Variants in ARHGEF3 observed in about 807,000 individuals in gnomAD.
ARHGEF3 encodes the protein 59.8 kDA protein.
ARHGEF3 carries 28 observed loss-of-function variants against 63.2 expected under a neutral mutation model. The observed-to-expected ratio is 0.44, with a 90% CI of 0.33 to 0.61. The LOEUF is 0.61. Among genes scored for constraint, ARHGEF3 ranks in the 20% least tolerant of loss-of-function variants. The probability of loss-of-function intolerance (pLI) is 0.03; values close to 1 mark genes in which losing one functional copy is unlikely to be tolerated. For synonymous variants in ARHGEF3, 266 were observed against 254.2 expected, an observed-to-expected ratio of 1.05 and a Z score of -0.44; for missense variants, 533 against 659.3, an observed-to-expected ratio of 0.81 and a Z score of 2.10.
chr3:56,790,552 C>T (rs997663929), intron 1 of ARHGEF3, among the ~76,000 whole-genome samples: 1 of 152,196 alleles, frequency 6.6e-6, no homozygotes, highest in African/African-American at 2.4e-5. Context: ...TGATGAGCCA[C>T]TTCCACCCCT....
chr3:56,887,707 C>G (rs9876679), intron 3 of ARHGEF3, among the ~76,000 whole-genome samples: 1 of 152,154 alleles, frequency 6.6e-6, no homozygotes, highest in Non-Finnish European at 1.5e-5. Flanking sequence ...AAGGACCCAC[C>G]CTGTTATTCT....
At chr3:56,947,886 C>T (rs1387774623) in intron 3 of ARHGEF3, among the ~76,000 whole-genome samples, 1 of 152,054 alleles carries the variant, frequency 6.6e-6, no homozygotes, top group Non-Finnish European at 1.5e-5. Context: ...AAGTAAAGCA[C>T]TCCTCAGCAA....
chr3:56,802,087 A>G (rs1012915212), upstream of ARHGEF3: 8 of 1,097,956 alleles, frequency 7.3e-6, no homozygotes, highest in East Asian at 2.5e-4. Flanking sequence ...TGGGGCTGCG[A>G]GGGGCGTGGG....
chr3:56,955,539 A>G (rs1185972409), intron 3 of ARHGEF3, among the ~76,000 whole-genome samples: 1 of 152,192 alleles, frequency 6.6e-6, no homozygotes, highest in Non-Finnish European at 1.5e-5. Flanking sequence ...TGAAATTGCA[A>G]ATGCTGATAA....
intron 4 of ARHGEF3, among the ~76,000 whole-genome samples, chr3:56,751,641 G>A (rs1559904231): frequency 6.6e-6 from 1 of 152,166 alleles, no homozygotes. Context: ...ATTCTAGTAT[G>A]TCATATATCT....
At chr3:56,748,670 T>C (rs1018271670) in intron 6 of ARHGEF3, among the ~76,000 whole-genome samples, 1 of 151,998 alleles carries the variant, frequency 6.6e-6, no homozygotes, top group South Asian at 2.1e-4. Context: ...ATTTCATCAT[T>C]GAAAAAACGT....
intron 8 of ARHGEF3, among the ~76,000 whole-genome samples, chr3:56,732,646 T>C (rs887228901): frequency 2.0e-5 from 3 of 152,084 alleles, no homozygotes; most frequent in African/African-American, 7.2e-5. Flanking sequence ...AGGGACTCAA[T>C]GGAGAAAGCC....
intron 8 of ARHGEF3, among the ~76,000 whole-genome samples, chr3:56,733,984 CAAAAAAAAAAAAA>C (rs777924213): frequency 0.011 from 583 of 55,102 alleles, 14 homozygotes; most frequent in African/African-American, 0.038. Flanking sequence ...AATTCTGTCT[CAAAAAAAAAAAAA>C]AAAAAAAAAA....
chr3:57,021,682 G>A (rs1024943218), intron 2 of ARHGEF3, among the ~76,000 whole-genome samples: 2 of 151,734 alleles, frequency 1.3e-5, no homozygotes, highest in African/African-American at 4.8e-5. Flanking sequence ...GAGCCCGGGA[G>A]GCAGAGGTTG....
chr3:56,733,609 A>AT (rs985578951), intron 8 of ARHGEF3, among the ~76,000 whole-genome samples: 70 of 152,314 alleles, frequency 4.6e-4, no homozygotes, highest in Admixed American at 3.3e-3. Context: ...CCACAAAGTC[A>AT]TTATCAGCTT....
chr3:56,906,113 T>G (rs2041675953), intron 3 of ARHGEF3, among the ~76,000 whole-genome samples: 1 of 152,082 alleles, frequency 6.6e-6, no homozygotes, highest in Admixed American at 6.6e-5. Context: ...TCTGCCCACC[T>G]TGGCCTCCCA....
chr3:57,038,299 T>C (rs1704043890), intron 1 of ARHGEF3, among the ~76,000 whole-genome samples: 1 of 152,140 alleles, frequency 6.6e-6, no homozygotes, highest in Non-Finnish European at 1.5e-5. Context: ...AGGAATAGTG[T>C]CTCAATGAGG....
At chr3:56,737,038 T>G (rs2033670214) in intron 8 of ARHGEF3, 147 bp downstream of exon 8, 1 of 910,430 alleles carries the variant, frequency 1.1e-6, no homozygotes, top group Non-Finnish European at 1.6e-6. Flanking sequence ...GAGGTTGCAG[T>G]GAGCCAGCCT....
At chr3:57,055,162 G>GTTTTTTTTTTTTTTTTT (rs1560165562) in intron 1 of ARHGEF3, among the ~76,000 whole-genome samples, 1 of 139,800 alleles carries the variant, frequency 7.2e-6, no homozygotes, top group African/African-American at 2.7e-5. Flanking sequence ...TTCTCTTTAT[G>GTTTTTTTTTTTTTTTTT]CTTTTTTTTT....
intron 4 of ARHGEF3, among the ~76,000 whole-genome samples, chr3:56,873,718 C>T (rs2040503549): frequency 6.6e-6 from 1 of 152,134 alleles, no homozygotes; most frequent in Non-Finnish European, 1.5e-5. Flanking sequence ...CATGAATTAA[C>T]TCATTTTTAG....
intron 4 of ARHGEF3, among the ~76,000 whole-genome samples, chr3:56,808,932 C>T (rs2037966389): frequency 6.6e-6 from 1 of 152,134 alleles, no homozygotes; most frequent in Non-Finnish European, 1.5e-5. Flanking sequence ...GCCAATAGTG[C>T]CACTATTGAG....
At chr3:56,996,825 G>C (rs1227620371) in intron 2 of ARHGEF3, among the ~76,000 whole-genome samples, 1 of 151,408 alleles carries the variant, frequency 6.6e-6, no homozygotes, top group Non-Finnish European at 1.5e-5. Flanking sequence ...GCCCAGTACA[G>C]CTTTGAACGT....
intron 3 of ARHGEF3, among the ~76,000 whole-genome samples, chr3:56,927,468 T>C (rs1236816545): frequency 2.0e-5 from 3 of 152,012 alleles, no homozygotes; most frequent in South Asian, 4.1e-4. Flanking sequence ...AAGTATAATA[T>C]ATAACATAAA....
intron 1 of ARHGEF3, among the ~76,000 whole-genome samples, chr3:56,787,685 G>C (rs56201611): frequency 0.33 from 50,099 of 151,578 alleles, 9,344 homozygotes; most frequent in Middle Eastern, 0.57. Context: ...CCGCCACCCC[G>C]ACACTGGCTT....
Sources: allele counts gnomAD v4.1 joint callset (sites outside exome capture counted in the v4.1 genomes callset), GRCh38; gene constraint gnomAD v4.1.1; transcripts MANE v1.5; gene names NCBI Gene and HGNC (gene_info 2026-07-23, HGNC 2026-07-21).